EYA2: variants seen among roughly 807,000 people sequenced by gnomAD.
EYA2 encodes the protein protein phosphatase EYA2.
EYA2 carries 31 observed loss-of-function variants against 69.2 expected under a neutral mutation model. The ratio of observed to expected loss-of-function variants is 0.45; its 90% CI spans 0.34 to 0.60. The LOEUF (loss-of-function observed/expected upper bound fraction) is 0.60. Ranked by LOEUF, EYA2 falls within the 20% of genes least tolerant of loss-of-function variation. The probability of loss-of-function intolerance (pLI) is 0.02; values close to 1 mark genes in which losing one functional copy is unlikely to be tolerated. For missense variants in EYA2, 622 were observed against 701.2 expected, an observed-to-expected ratio of 0.89 and a Z score of 1.28; for synonymous variants, 257 against 279.4, an observed-to-expected ratio of 0.92 and a Z score of 0.80.
At chr20:47,010,281 C>G (rs1026048567) in intron 4 of EYA2, among the ~76,000 whole-genome samples, 12 of 152,204 alleles carry the variant, frequency 7.9e-5, no homozygotes. Context: ...TGTGGGCTGG[C>G]CAGTTGGGCC....
intron 3 of EYA2, among the ~76,000 whole-genome samples, chr20:47,003,119 T>C (rs898571680): frequency 6.6e-6 from 1 of 152,098 alleles, no homozygotes; most frequent in Non-Finnish European, 1.5e-5. Flanking sequence ...AACATGATAG[T>C]TGTGGTGTCT....
In EYA2 at chr20:46,904,538, C is replaced by T. The variant is rs578201366; in HGVS notation, c.-11+9551C>T. Among the ~76,000 whole-genome samples the T allele has an allele frequency of 5.3e-5, 8 of 152,162 alleles. No homozygotes were observed. The South Asian group carries it at 6.2e-4, about 12-fold the overall frequency. ...ATTGTGATTGAACTTGAGACTTCAACGCTGCTATTGAGCAGTCTTTGAAAT... is the reference window on the plus strand; with the variant it reads ...ATTGTGATTGAACTTGAGACTTCAATGCTGCTATTGAGCAGTCTTTGAAAT... On this transcript the variant is annotated intron_variant, in intron 1 of 15. Coordinates refer to ENST00000327619, the MANE Select transcript of EYA2 (RefSeq NM_005244.5).
At chr20:47,090,179 A>G (rs1239349046) in intron 8 of EYA2, among the ~76,000 whole-genome samples, 1 of 148,684 alleles carries the variant, frequency 6.7e-6, no homozygotes, top group East Asian at 2.0e-4. Context: ...TCCGTGGGTG[A>G]TTCCTGTGTG....
Position 47,183,318 on chromosome 20 carries a change from T to C in EYA2, c.1463T>C (p.Met488Thr). 6.2e-7 allele frequency: 1 copy of C among 1,614,124 alleles called. No individual in the cohort carries two copies. Among genetic ancestry groups the C allele is most frequent in the Non-Finnish European group, 8.5e-7 (1 of 1,180,006 alleles). Residue 488 changes from methionine (M) to threonine (T), a missense_variant, in exon 15 of 16, where the codon ATG becomes ACG. Around this residue, in one of 2 missense-constraint regions of EYA2, gnomAD observed 257 missense variants for 351.5 expected, o/e 0.73. Transcript: ENST00000327619. ...AAGGAGAGCTGCTTCGAGAGGATAA[T>C]GCAGAGATTCGGCAGAAAAGCTGTC... is the stretch of plus-strand genomic sequence containing the variant. Reference protein sequence around the residue: ...TGKESCFERIMQRFGRKAVYV... With the variant: ...TGKESCFERITQRFGRKAVYV...
chr20:47,187,735 A>G (rs1182559407), intron 15 of EYA2, among the ~76,000 whole-genome samples: 1 of 152,230 alleles, frequency 6.6e-6, no homozygotes, highest in East Asian at 1.9e-4. Flanking sequence ...TCGCTTTCCC[A>G]TTGTGCAATT....
intron 2 of EYA2, among the ~76,000 whole-genome samples, chr20:46,990,725 C>A (rs758957213): frequency 6.6e-6 from 1 of 152,238 alleles, no homozygotes; most frequent in Non-Finnish European, 1.5e-5. Flanking sequence ...TAGCAAAAGG[C>A]ATTAAGCTAT....
At position 46,981,275 on chromosome 20, in the gene EYA2, AT is replaced by A. The variant is rs1415600812; in HGVS notation, c.-10-8721del. ...TTGGGAAATGAGAACCATGACTAGA[AT>A]TTTTGGAAGGGTTTTACTAACTCTG... On this transcript the variant is annotated intron_variant, in intron 1 of 15. Transcript: ENST00000327619. Among the ~76,000 whole-genome samples the A allele has an allele frequency of 5.3e-5, 8 of 152,318 alleles. No individual in the cohort carries two copies. In the East Asian group the frequency reaches 1.4e-3, roughly 26 times the overall value.
intron 5 of EYA2, among the ~76,000 whole-genome samples, chr20:47,070,597 T>A (rs1481617597): frequency 8.5e-5 from 13 of 152,248 alleles, no homozygotes; most frequent in Admixed American, 8.5e-4. Flanking sequence ...TGTGAATGCT[T>A]ATATTGCATT....
chr20:47,174,622 C>T (rs2034392934), intron 12 of EYA2, among the ~76,000 whole-genome samples: 1 of 152,230 alleles, frequency 6.6e-6, no homozygotes, highest in African/African-American at 2.4e-5. Context: ...ACGTGCTAAG[C>T]GCGGTCCTGG....
chr20:47,164,814 A>G (rs764054096), intron 10 of EYA2, among the ~76,000 whole-genome samples: 9 of 152,216 alleles, frequency 5.9e-5, no homozygotes, highest in Non-Finnish European at 1.2e-4. Context: ...GGAGGCAGAG[A>G]GAAAAGAGAG....
rs1369819977 is a variant in EYA2, at chr20:47,165,116, C to G, written c.979-4023C>G. 3.9e-5 allele frequency among the ~76,000 whole-genome samples: 6 copies of G among 152,196 alleles called. No individual in the cohort carries two copies. In the East Asian group the frequency reaches 1.2e-3, roughly 29 times the overall value. On this transcript the variant is annotated intron_variant, in intron 10 of 15. Transcript: ENST00000327619. ...GAACTGAACCTTTAATGTTATTTAA[C>G]TTTACTGAATTTCAATATAACTATA... is the stretch of plus-strand genomic sequence containing the variant.
intron 1 of EYA2, among the ~76,000 whole-genome samples, chr20:46,986,417 C>CTATATATATAATATATAAATCTATATAAT (rs1981212121): frequency 1.4e-5 from 2 of 139,282 alleles, no homozygotes; most frequent in Non-Finnish European, 3.1e-5. Flanking sequence ...TATATAATAT[C>CTATATATATAATATATAAATCTATATAAT]TATATATATA....
intron 15 of EYA2, among the ~76,000 whole-genome samples, chr20:47,186,992 A>G (rs1341334248): frequency 6.6e-6 from 1 of 152,108 alleles, no homozygotes; most frequent in East Asian, 1.9e-4. Context: ...CCAAGAGATC[A>G]AGGCTGCAGT....
intron 5 of EYA2, among the ~76,000 whole-genome samples, chr20:47,070,197 C>T (rs1198323320): frequency 2.6e-5 from 4 of 152,078 alleles, no homozygotes; most frequent in African/African-American, 9.7e-5. Flanking sequence ...AGAGGCCAAA[C>T]CTAATTTTTT....
At chr20:46,976,700 G>A (rs924851580) in intron 1 of EYA2, among the ~76,000 whole-genome samples, 4 of 152,164 alleles carry the variant, frequency 2.6e-5, no homozygotes, top group African/African-American at 4.8e-5. Flanking sequence ...GAGAGTTTTT[G>A]GATAAAGCTT....
At chr20:46,963,734 G>A (rs911609353) in intron 1 of EYA2, among the ~76,000 whole-genome samples, 16 of 152,268 alleles carry the variant, frequency 1.1e-4, no homozygotes, top group Admixed American at 1.0e-3. Flanking sequence ...GGTGGGCCGG[G>A]GGTGGTGGTG....
intron 10 of EYA2, among the ~76,000 whole-genome samples, chr20:47,164,273 G>A (rs1376540224): frequency 2.6e-5 from 4 of 152,166 alleles, no homozygotes; most frequent in Non-Finnish European, 4.4e-5. Context: ...CTAGCTGAGC[G>A]TCACGGTATT....
chr20:47,144,640 T>A (rs1218557573), intron 10 of EYA2, among the ~76,000 whole-genome samples: 1 of 152,224 alleles, frequency 6.6e-6, no homozygotes, highest in Non-Finnish European at 1.5e-5. Flanking sequence ...TTGTGTTTTG[T>A]CTAATCTATG....
intron 10 of EYA2, among the ~76,000 whole-genome samples, chr20:47,159,879 A>T (rs944187870): frequency 1.3e-5 from 2 of 151,990 alleles, no homozygotes; most frequent in Admixed American, 1.3e-4. Flanking sequence ...AATCCCAGCT[A>T]CTTGGGAGGC....
Sources: allele counts gnomAD v4.1 joint callset (sites outside exome capture counted in the v4.1 genomes callset), GRCh38; gene constraint gnomAD v4.1.1; regional missense constraint gnomAD v4.1.1; transcripts MANE v1.5; gene names NCBI Gene and HGNC (gene_info 2026-07-23, HGNC 2026-07-21).